Variants in SLC25A48 observed in about 807,000 individuals in gnomAD.
SLC25A48 encodes solute carrier family 25 member 48.
In SLC25A48, 29 loss-of-function variants were observed where a neutral mutation model predicts 32.2. The observed-to-expected ratio is 0.90, with a 90% CI of 0.67 to 1.23. The LOEUF is 1.23. SLC25A48 is among the 50% of genes most tolerant of loss of function. The pLI, the probability that SLC25A48 is intolerant of heterozygous loss-of-function variation, is 0.00. For synonymous variants in SLC25A48, 164 were observed against 172.3 expected, an observed-to-expected ratio of 0.95 and a Z score of 0.38; for missense variants, 399 against 422.7, an observed-to-expected ratio of 0.94 and a Z score of 0.49.
chr5:135,714,323 C>T (rs1301195144), intron 3 of SLC25A48, among the ~76,000 whole-genome samples: 2 of 152,214 alleles, frequency 1.3e-5, no homozygotes, highest in Non-Finnish European at 2.9e-5. Context: ...GCTTTGTGGT[C>T]CACAAATTCC....
intron 1 of SLC25A48, among the ~76,000 whole-genome samples, chr5:135,621,723 C>T (rs6873508): frequency 0.36 from 55,240 of 151,870 alleles, 10,050 homozygotes; most frequent in Middle Eastern, 0.39. Context: ...TTCACTATAT[C>T]GGTGTTTTTC....
rs575045859 is a variant in SLC25A48, at chr5:135,655,410, C to T, written c.-521+20454C>T. 8.5e-4 allele frequency among the ~76,000 whole-genome samples: 129 copies of T among 152,316 alleles called. 1 individual carries two copies. The highest frequency in any genetic ancestry group is 8.8e-5 in the Non-Finnish European group (6 of 68,010). On this transcript the variant is annotated intron_variant, in intron 3 of 10. Coordinates refer to the SLC25A48 transcript ENST00000646290. ...TAAGTAGCTAGAAAAGGATTCATTT[C>T]TCCCCCTGGAGGCTTCTTCTCCAGG...
chr5:135,748,531 C>T (rs1580838195), intron 3 of SLC25A48, among the ~76,000 whole-genome samples: 2 of 152,012 alleles, frequency 1.3e-5, no homozygotes, highest in African/African-American at 4.8e-5. Flanking sequence ...GCCTTGGCCT[C>T]CCAAAGTGCT....
At chr5:135,775,576 TG>T (rs200978835) in intron 3 of SLC25A48, among the ~76,000 whole-genome samples, 19 of 149,914 alleles carry the variant, frequency 1.3e-4, no homozygotes, top group Non-Finnish European at 2.5e-4. Flanking sequence ...TAATATCTGG[TG>T]GGGGGGAAAT....
chr5:135,880,254 ACAG>A (rs1762370164), intron 7 of SLC25A48, 157 bp downstream of exon 7: 1 of 1,106,380 alleles, frequency 9.0e-7, no homozygotes. Context: ...TCGTCACCAA[ACAG>A]CAGTTCAGAA....
intron 3 of SLC25A48, among the ~76,000 whole-genome samples, chr5:135,753,233 A>G (rs1450195998): frequency 1.3e-5 from 2 of 151,862 alleles, no homozygotes; most frequent in Non-Finnish European, 2.9e-5. Context: ...TATTACCAGT[A>G]ATGTCTTGAG....
At chr5:135,869,519 T>TAGA (rs1761479054) in intron 4 of SLC25A48, among the ~76,000 whole-genome samples, 1 of 152,194 alleles carries the variant, frequency 6.6e-6, no homozygotes, top group Admixed American at 6.5e-5. Context: ...CAAGATCCTC[T>TAGA]CCCTCAGTCA....
At chr5:135,621,599 G>A (rs1325823834) in intron 1 of SLC25A48, among the ~76,000 whole-genome samples, 1 of 152,032 alleles carries the variant, frequency 6.6e-6, no homozygotes, top group Non-Finnish European at 1.5e-5. Flanking sequence ...AGACTCAAGT[G>A]GGATATAGGA....
intron 3 of SLC25A48, among the ~76,000 whole-genome samples, chr5:135,673,201 T>A (rs1753694299): frequency 1.3e-5 from 2 of 152,220 alleles, no homozygotes; most frequent in Non-Finnish European, 2.9e-5. Flanking sequence ...TATGCCTAAA[T>A]CTTTGTGTGA....
intron 3 of SLC25A48, among the ~76,000 whole-genome samples, chr5:135,752,400 T>C (rs548341716): frequency 4.3e-4 from 66 of 152,240 alleles, no homozygotes; most frequent in African/African-American, 1.4e-3. Flanking sequence ...GTGAAACCCC[T>C]ATCTCTACTA....
At chr5:135,723,359 C>G (rs1755007402) in intron 3 of SLC25A48, among the ~76,000 whole-genome samples, 1 of 111,580 alleles carries the variant, frequency 9.0e-6, no homozygotes, top group African/African-American at 3.3e-5. Flanking sequence ...GAGTCTGTCT[C>G]TCACTCTCTC....
chr5:135,707,407 G>A (rs908397711), intron 3 of SLC25A48, among the ~76,000 whole-genome samples: 2 of 152,114 alleles, frequency 1.3e-5, no homozygotes, highest in Non-Finnish European at 2.9e-5. Context: ...GTCTGCAAGC[G>A]CCTTTGTGAT....
chr5:135,843,663 G>C (rs1050706278), intron 2 of SLC25A48, among the ~76,000 whole-genome samples: 7 of 152,202 alleles, frequency 4.6e-5, no homozygotes, highest in Admixed American at 1.3e-4. Flanking sequence ...ATGACACAAA[G>C]AGCCAGATAC....
At chr5:135,677,100 G>C (rs1753790576) in intron 3 of SLC25A48, among the ~76,000 whole-genome samples, 1 of 151,914 alleles carries the variant, frequency 6.6e-6, no homozygotes, top group Non-Finnish European at 1.5e-5. Context: ...TCTTTCTTTA[G>C]ATCTAGTAAT....
At chr5:135,852,381 G>C (rs1180448981) in intron 3 of SLC25A48, among the ~76,000 whole-genome samples, 182 bp from the exon 4 acceptor site, 2 of 152,170 alleles carry the variant, frequency 1.3e-5, no homozygotes, top group Non-Finnish European at 1.5e-5. Context: ...GGCTGTCCTC[G>C]GAGCAAGAAT....
intron 3 of SLC25A48, among the ~76,000 whole-genome samples, chr5:135,778,443 C>T (rs910613210): frequency 1.3e-5 from 2 of 151,596 alleles, no homozygotes; most frequent in Admixed American, 1.3e-4. Flanking sequence ...TGGTGTACAC[C>T]GCCACCCCAC....
chr5:135,781,595 T>C (rs1756717594), intron 3 of SLC25A48, among the ~76,000 whole-genome samples: 1 of 117,586 alleles, frequency 8.5e-6, no homozygotes, highest in African/African-American at 2.6e-5. Context: ...AACTCCCTGA[T>C]ATATTATTCC....
intron 2 of SLC25A48, among the ~76,000 whole-genome samples, chr5:135,630,386 A>G (rs772989545): frequency 1.3e-5 from 2 of 152,190 alleles, no homozygotes; most frequent in Non-Finnish European, 2.9e-5. Context: ...GAAAACTGCC[A>G]TAGCTAAGCT....
At chr5:135,747,269 A>G (rs931233650) in intron 3 of SLC25A48, among the ~76,000 whole-genome samples, 1 of 151,176 alleles carries the variant, frequency 6.6e-6, no homozygotes, top group Non-Finnish European at 1.5e-5. Context: ...TGATATCTAT[A>G]TATATATCTA....
Sources: gnomAD v4.1 joint callset for allele counts (sites outside exome capture counted in the v4.1 genomes callset) on GRCh38, gnomAD v4.1.1 for gene constraint, MANE v1.5 for transcripts, NCBI Gene and HGNC (gene_info 2026-07-23, HGNC 2026-07-21) for gene names.